The following CADPS2 variants were observed in gnomAD, a reference collection of about 807,000 sequenced individuals.
CADPS2 encodes calcium dependent secretion activator 2, also known as calcium-dependent secretion activator 2.
In CADPS2, 93 loss-of-function variants were observed where a neutral mutation model predicts 172.5. That is an observed-to-expected ratio of 0.54 (90% confidence interval 0.46 to 0.64). The LOEUF (loss-of-function observed/expected upper bound fraction) is 0.64, where lower values mean the gene tolerates loss of function less well. Ranked by LOEUF, CADPS2 falls within the 30% of genes least tolerant of loss-of-function variation. The pLI, the probability that CADPS2 is intolerant of heterozygous loss-of-function variation, is 0.00. For missense variants in CADPS2, 1,420 were observed against 1,565.9 expected (o/e 0.91, Z 1.57); for synonymous variants, 546 against 555.2 (o/e 0.98, Z 0.23).
intron 20 of CADPS2, among the ~76,000 whole-genome samples, chr7:122,397,341 C>T (rs933102868): frequency 2.0e-5 from 3 of 150,222 alleles, no homozygotes; most frequent in African/African-American, 7.4e-5. Context: ...TAAACCCACA[C>T]TTGAAAATTT....
chr7:122,835,003 C>T (rs571401713), intron 1 of CADPS2, among the ~76,000 whole-genome samples: 27 of 152,278 alleles, frequency 1.8e-4, no homozygotes, highest in South Asian at 1.0e-3. Flanking sequence ...GGGTCCCTGA[C>T]GCCCGAGTAG....
chr7:122,363,173 T>G (rs2040410405), intron 25 of CADPS2, among the ~76,000 whole-genome samples: 1 of 152,194 alleles, frequency 6.6e-6, no homozygotes, highest in African/African-American at 2.4e-5. Context: ...ATGAATACTC[T>G]AGGGTTATGT....
intron 25 of CADPS2, among the ~76,000 whole-genome samples, chr7:122,370,945 A>C (rs949064874): frequency 6.6e-6 from 1 of 152,164 alleles, no homozygotes; most frequent in Non-Finnish European, 1.5e-5. Flanking sequence ...TATTCTAAGG[A>C]ATATTAATTC....
At chr7:122,386,469 A>C (rs1037837965) in intron 24 of CADPS2, among the ~76,000 whole-genome samples, 3 of 151,884 alleles carry the variant, frequency 2.0e-5, no homozygotes, top group Non-Finnish European at 4.4e-5. Context: ...CCCAATCACC[A>C]CTCTCAACAA....
intron 1 of CADPS2, among the ~76,000 whole-genome samples, chr7:122,815,624 A>T (rs35541004): frequency 0.17 from 25,407 of 152,038 alleles, 2,190 homozygotes; most frequent in Middle Eastern, 0.26. Context: ...AATACAAAAA[A>T]AATTCAAAAT....
At chr7:122,729,898 G>A (rs1392994202) in intron 2 of CADPS2, among the ~76,000 whole-genome samples, 2 of 151,598 alleles carry the variant, frequency 1.3e-5, no homozygotes, top group Admixed American at 6.6e-5. Flanking sequence ...AGGGAAGTAT[G>A]ATGTAAATCA....
chr7:122,679,268 G>GA (rs1554715383), intron 2 of CADPS2, among the ~76,000 whole-genome samples: 2 of 100,954 alleles, frequency 2.0e-5, no homozygotes, highest in Admixed American at 9.9e-5. Context: ...GCATTCCTGG[G>GA]GGGGGGGGGC....
intron 2 of CADPS2, among the ~76,000 whole-genome samples, chr7:122,683,268 C>T (rs979698133): frequency 6.6e-6 from 1 of 152,222 alleles, no homozygotes; most frequent in South Asian, 2.1e-4. Flanking sequence ...GCTTACTCCT[C>T]AGCCACTTGT....
At chr7:122,327,643 C>T (rs2150759974) in intron 28 of CADPS2, among the ~76,000 whole-genome samples, 1 of 151,712 alleles carries the variant, frequency 6.6e-6, no homozygotes, top group Middle Eastern at 3.4e-3. Flanking sequence ...TTCATTTTTC[C>T]ATTATATATA....
intron 9 of CADPS2, among the ~76,000 whole-genome samples, chr7:122,511,798 T>G (rs369910170): frequency 6.6e-6 from 1 of 152,148 alleles, no homozygotes; most frequent in Non-Finnish European, 1.5e-5. Context: ...AAATTAGATA[T>G]GAATGAAATA....
In CADPS2 at chr7:122,750,661, G is replaced by C. The variant is rs556294438; in HGVS notation, c.340-13593C>G. Among the ~76,000 whole-genome samples the C allele has an allele frequency of 2.0e-5, 3 of 152,110 alleles. No individual in the cohort carries two copies. In the East Asian group the frequency reaches 5.8e-4, roughly 29 times the overall value. On this transcript the variant is annotated intron_variant, in intron 1 of 29. Transcript: ENST00000449022. ...AAACCAGACAAATAGATGACACTAA[G>C]AGACATGTGTGATCATTTTTAAAGA... is the stretch of plus-strand genomic sequence containing the variant.
At chr7:122,642,925 CTTTTG>C (rs758134239) in intron 3 of CADPS2, among the ~76,000 whole-genome samples, 30 of 152,090 alleles carry the variant, frequency 2.0e-4, no homozygotes, top group Non-Finnish European at 3.8e-4. Context: ...GAATTGCACT[CTTTTG>C]TTTTCTTATA....
chr7:122,508,055 T>C (rs768756434), intron 9 of CADPS2, among the ~76,000 whole-genome samples: 12 of 152,166 alleles, frequency 7.9e-5, no homozygotes, highest in Non-Finnish European at 1.3e-4. Flanking sequence ...GGCACACTAC[T>C]TGTGTAGAAA....
chr7:122,468,110 T>C (rs1480290688), intron 14 of CADPS2, among the ~76,000 whole-genome samples: 1 of 152,192 alleles, frequency 6.6e-6, no homozygotes, highest in Non-Finnish European at 1.5e-5. Flanking sequence ...CAATAGGATG[T>C]GCTCCCTGAA....
intron 6 of CADPS2, among the ~76,000 whole-genome samples, chr7:122,601,186 T>C (rs574113060): frequency 2.2e-4 from 33 of 152,180 alleles, no homozygotes; most frequent in African/African-American, 7.5e-4. Context: ...ATAAAATTCA[T>C]GATTTTTTTT....
At chr7:122,435,046 TG>T (rs1195734543) in intron 17 of CADPS2, among the ~76,000 whole-genome samples, 2 of 152,180 alleles carry the variant, frequency 1.3e-5, no homozygotes, top group Non-Finnish European at 1.5e-5. Flanking sequence ...TAGAGATGAA[TG>T]GCCTATACTT....
At chr7:122,704,757 A>C (rs2086719334) in intron 2 of CADPS2, among the ~76,000 whole-genome samples, 1 of 151,976 alleles carries the variant, frequency 6.6e-6, no homozygotes, top group Non-Finnish European at 1.5e-5. Context: ...ACAATCATCT[A>C]TCTCTTAAAA....
chr7:122,656,220 C>T (rs1468784887), intron 3 of CADPS2, among the ~76,000 whole-genome samples: 4 of 152,036 alleles, frequency 2.6e-5, no homozygotes, highest in African/African-American at 7.2e-5. Context: ...AGTTACCCCA[C>T]AAAGTTCTAA....
At chr7:122,875,576 T>C (rs1000020190) in intron 1 of CADPS2, among the ~76,000 whole-genome samples, 1 of 152,164 alleles carries the variant, frequency 6.6e-6, no homozygotes, top group Admixed American at 6.5e-5. Flanking sequence ...TTAAATTACA[T>C]ACAACAATGC....
Sources: gnomAD v4.1 joint callset for allele counts (sites outside exome capture counted in the v4.1 genomes callset) on GRCh38, gnomAD v4.1.1 for gene constraint, MANE v1.5 for transcripts, NCBI Gene and HGNC (gene_info 2026-07-23, HGNC 2026-07-21) for gene names.